FAM3D: variants seen among roughly 807,000 people sequenced by gnomAD.
The protein encoded by FAM3D is protein FAM3D.
FAM3D carries 26 observed loss-of-function variants against 29.8 expected under a neutral mutation model. That is an observed-to-expected ratio of 0.87 (90% CI 0.64 to 1.21). The LOEUF (loss-of-function observed/expected upper bound fraction) is 1.21, where lower values mean the gene tolerates loss of function less well. Ranked by LOEUF, FAM3D falls within the 50% of genes most tolerant of loss-of-function variation. FAM3D has a pLI of 0.00. For missense variants in FAM3D, 253 were observed against 290.9 expected (o/e 0.87, Z 0.95); for synonymous variants, 115 against 102.3 (o/e 1.12, Z -0.75).
At chr3:58,649,592 T>G (rs2066574463) in intron 3 of FAM3D, among the ~76,000 whole-genome samples, 1 of 152,104 alleles carries the variant, frequency 6.6e-6, no homozygotes, top group African/African-American at 2.4e-5. Flanking sequence ...TGCAGATATA[T>G]GTGACACTCA....
At chr3:58,642,887 T>G (rs1034839752) in intron 6 of FAM3D, among the ~76,000 whole-genome samples, 13 of 152,222 alleles carry the variant, frequency 8.5e-5, no homozygotes, top group African/African-American at 2.9e-4. Flanking sequence ...CTGGCCTTGC[T>G]GCTGTCCCCA....
chr3:58,639,976 C>T, intron 7 of FAM3D, 151 bp downstream of exon 7: 1 of 775,394 alleles, frequency 1.3e-6, no homozygotes, highest in South Asian at 1.6e-5. Flanking sequence ...CAGCAGGACA[C>T]CCTCAACCCC....
chr3:58,642,241 A>T (rs2106766337), intron 6 of FAM3D, among the ~76,000 whole-genome samples: 1 of 151,760 alleles, frequency 6.6e-6, no homozygotes, highest in South Asian at 2.1e-4. Context: ...CTGTCCTCTG[A>T]CTCCCATCTG....
chr3:58,643,976 T>G (rs1356670987), intron 5 of FAM3D, among the ~76,000 whole-genome samples: 1 of 151,866 alleles, frequency 6.6e-6, no homozygotes, highest in East Asian at 1.9e-4. Context: ...GCCTCTGAGG[T>G]GTTGGAGGTG....
rs570826643 is a variant in FAM3D at position 58,640,268 on chromosome 3, C to A, written c.323-91G>T. 1.9e-4 allele frequency: 268 copies of A among 1,387,138 alleles called. 1 individual carries two copies. The highest frequency in any genetic ancestry group is 1.1e-3 in the South Asian group (93 of 86,354). 85.9% of individuals were successfully genotyped at this position (1,387,138 alleles called of 1,614,324 possible). ...AAATGCCTAATCTGTAGTCTAAGAT[C>A]TAAAAACAGAATAAGAATCTAATGA... On this transcript the variant is annotated intron_variant, in intron 6 of 9. Transcript: ENST00000358781.
intron 1 of FAM3D, among the ~76,000 whole-genome samples, chr3:58,663,530 A>G (rs1363221120): frequency 6.6e-6 from 1 of 152,158 alleles, no homozygotes; most frequent in Non-Finnish European, 1.5e-5. Context: ...TACCTGATAC[A>G]TGATTTTCCC....
intron 1 of FAM3D, among the ~76,000 whole-genome samples, chr3:58,665,118 G>A (rs1347349151): frequency 6.6e-6 from 1 of 152,192 alleles, no homozygotes; most frequent in Non-Finnish European, 1.5e-5. Context: ...AGCTCAGGAA[G>A]AGGTGTGCAC....
chr3:58,634,243 C>T lies in FAM3D; in HGVS notation c.*36G>A, dbSNP rs750411222. The T allele has an allele frequency of 3.1e-6, 5 of 1,600,186 alleles. No homozygotes were observed. The highest frequency in any genetic ancestry group is 1.3e-5 in the African/African-American group (1 of 74,684). On this transcript the variant is annotated 3_prime_UTR_variant, in exon 10 of 10. Transcript: ENST00000358781. The surrounding 1 kb of genome is among the most constrained non-coding windows in gnomAD (Gnocchi z 4.6). ...TGACTCCTAAGTCAGGCAGGAGCTTCTTCAGGCCCCTGGCTGAGGAAGAGC... is the reference window on the plus strand; with the variant it reads ...TGACTCCTAAGTCAGGCAGGAGCTTTTTCAGGCCCCTGGCTGAGGAAGAGC...
intron 6 of FAM3D, among the ~76,000 whole-genome samples, chr3:58,640,983 A>T (rs766120946): frequency 2.1e-4 from 31 of 147,644 alleles, no homozygotes; most frequent in Non-Finnish European, 1.9e-4. Context: ...CTATGAACCC[A>T]TGGGGCTGCT....
At chr3:58,651,840 C>T (rs895924508) in intron 3 of FAM3D, among the ~76,000 whole-genome samples, 8 of 107,836 alleles carry the variant, frequency 7.4e-5, no homozygotes, top group African/African-American at 2.5e-4. Flanking sequence ...GGGTGGGGGG[C>T]GCGGGGGTGG....
intron 5 of FAM3D, 143 bp downstream of exon 5, chr3:58,645,366 T>C (rs2066445386): frequency 1.8e-6 from 1 of 548,056 alleles, no homozygotes; most frequent in Admixed American, 3.2e-5. Context: ...ATTATTGTTA[T>C]TTGTGCCTCA....
Position 58,634,421 on chromosome 3 carries a change from C to T in FAM3D, c.586-53G>A, listed in dbSNP as rs2066103595. On this transcript the variant is annotated intron_variant, in intron 9 of 9. Coordinates refer to ENST00000358781, the MANE Select transcript of FAM3D (RefSeq NM_138805.3). The surrounding 1 kb of genome is among the most constrained non-coding windows in gnomAD (Gnocchi z 4.6). The stretch of plus-strand genomic sequence containing the variant: ...AGGCAGTGAGTGAGGCTGTTCAGAA[C>T]TCATGCCCACATGGACACTGTGCTC... The T allele has an allele frequency of 6.6e-7, 1 of 1,512,140 alleles. No homozygotes were observed. The highest frequency in any genetic ancestry group is 9.1e-7 in the Non-Finnish European group (1 of 1,093,482). 93.7% of individuals were successfully genotyped at this position (1,512,140 alleles called of 1,614,324 possible).
intron 3 of FAM3D, among the ~76,000 whole-genome samples, chr3:58,652,976 C>CTAT (rs2066688529): frequency 1.2e-5 from 1 of 82,002 alleles, no homozygotes; most frequent in Non-Finnish European, 3.1e-5. Context: ...ATCCATCCAT[C>CTAT]CGTTTTTTTT....
At chr3:58,645,856 TG>T (rs1228112251) in intron 4 of FAM3D, among the ~76,000 whole-genome samples, 1 of 152,200 alleles carries the variant, frequency 6.6e-6, no homozygotes, top group Non-Finnish European at 1.5e-5. Flanking sequence ...AATGAATTTT[TG>T]GGCTTCCCTT....
intron 4 of FAM3D, among the ~76,000 whole-genome samples, chr3:58,646,100 G>A (rs1172055545): frequency 6.6e-6 from 1 of 152,200 alleles, no homozygotes; most frequent in African/African-American, 2.4e-5. Flanking sequence ...CATCTTATCT[G>A]CAAAATGGGG....
chr3:58,653,611 A>G (rs1242958468), intron 3 of FAM3D, 63 bp downstream of exon 3: 44 of 1,464,590 alleles, frequency 3.0e-5, no homozygotes, highest in Admixed American at 5.0e-5. Context: ...TGGAGGGAAG[A>G]ATATGTCTTC....
Position 58,649,665 on chromosome 3 carries a change from C to T in FAM3D, c.122-327G>A, listed in dbSNP as rs146675650. Among the ~76,000 whole-genome samples, 465 of 152,182 alleles carry T rather than the reference C, an allele frequency of 3.1e-3. 2 individuals are homozygous for T. Among genetic ancestry groups the T allele is most frequent in the African/African-American group, 9.9e-3 (411 of 41,510 alleles). On this transcript the variant is annotated intron_variant, in intron 3 of 9. Transcript: ENST00000358781. ...AGACACACATGTGTGCACACACAGACGTGTACACACACGCAGACATACACA... is the reference window on the plus strand; with the variant it reads ...AGACACACATGTGTGCACACACAGATGTGTACACACACGCAGACATACACA...
chr3:58,638,769 T>G (rs1211852933), intron 7 of FAM3D, among the ~76,000 whole-genome samples: 1 of 152,168 alleles, frequency 6.6e-6, no homozygotes, highest in African/African-American at 2.4e-5. Context: ...TTCTCCCAAC[T>G]AAGGCCAGCT....
intron 7 of FAM3D, 79 bp downstream of exon 7, chr3:58,640,048 G>A: frequency 1.3e-6 from 2 of 1,504,144 alleles, no homozygotes; most frequent in Non-Finnish European, 1.9e-6. Context: ...CGAGCCACCA[G>A]GTCCCTTGCC....
Sources: gnomAD v4.1 joint callset for allele counts (sites outside exome capture counted in the v4.1 genomes callset) on GRCh38, gnomAD v4.1.1 for gene constraint, Gnocchi (gnomAD v3.1) non-coding constraint, MANE v1.5 for transcripts, NCBI Gene and HGNC (gene_info 2026-07-23, HGNC 2026-07-21) for gene names.